SIPA1L1: variants seen among roughly 807,000 people sequenced by gnomAD.
SIPA1L1 encodes the protein signal-induced proliferation-associated 1-like protein 1.
SIPA1L1 carries 26 observed loss-of-function variants against 162.7 expected under a neutral mutation model. The observed-to-expected ratio is 0.16, with a 90% CI of 0.12 to 0.22. The LOEUF (loss-of-function observed/expected upper bound fraction) is 0.22, where lower values mean the gene tolerates loss of function less well. Ranked by LOEUF, SIPA1L1 falls within the 10% of genes least tolerant of loss-of-function variation. The pLI, the probability that SIPA1L1 is intolerant of heterozygous loss-of-function variation, is 1.00. For synonymous variants in SIPA1L1, 829 were observed against 837.4 expected, an observed-to-expected ratio of 0.99 and a Z score of 0.17; for missense variants, 1,874 against 2,241.0, an observed-to-expected ratio of 0.84 and a Z score of 3.31.
Position 71,589,309 on chromosome 14 carries a change from A to G in SIPA1L1, c.1437A>G (p.Arg479=), listed in dbSNP as rs2034966939. 1.2e-6 allele frequency: 2 copies of G among 1,613,894 alleles called. No homozygotes were observed. The highest frequency in any genetic ancestry group is 2.2e-5 in the East Asian group (1 of 44,872). The change falls in exon 5 of 24, where the codon AGA becomes AGG. Residue 479 remains arginine, a synonymous_variant. Coordinates refer to ENST00000381232, the MANE Select transcript of SIPA1L1 (RefSeq NM_001386936.1). ...NLVLHLDRVK[R]YIVEHVDLGA... is the part of the protein sequence containing the mutation. ...TGTTGCACCTAGATAGAGTGAAAAG[A>G]TACATCGTGGAACACGTAGATCTGG...
At chr14:71,593,869 T>TA (rs1234778221) in intron 5 of SIPA1L1, among the ~76,000 whole-genome samples, 1 of 152,176 alleles carries the variant, frequency 6.6e-6, no homozygotes, top group Non-Finnish European at 1.5e-5. Context: ...AAAGTCAAGT[T>TA]ACTGAAGATG....
At chr14:71,649,210 T>C (rs944315183) in intron 7 of SIPA1L1, among the ~76,000 whole-genome samples, 116 of 150,082 alleles carry the variant, frequency 7.7e-4, no homozygotes, top group African/African-American at 2.7e-3. Flanking sequence ...TTTTTTTTTT[T>C]GAGACAGAGT....
At chr14:71,632,906 T>C (rs2040726460) in intron 7 of SIPA1L1, among the ~76,000 whole-genome samples, 1 of 152,100 alleles carries the variant, frequency 6.6e-6, no homozygotes. Context: ...TTAAATAAGA[T>C]CCAGAGTCTC....
At chr14:71,558,419 A>C (rs2056521060) in intron 4 of SIPA1L1, among the ~76,000 whole-genome samples, 1 of 152,196 alleles carries the variant, frequency 6.6e-6, no homozygotes, top group African/African-American at 2.4e-5. Flanking sequence ...TTTAGGAGAC[A>C]GTAGGAAACT....
At chr14:71,723,960 C>G (rs1474463445) in intron 18 of SIPA1L1, 74 bp downstream of exon 18, 2 of 1,573,888 alleles carry the variant, frequency 1.3e-6, no homozygotes, top group East Asian at 2.3e-5. Context: ...TTGGCGTGAT[C>G]TCTTACAACA....
At chr14:71,738,190 A>ACCCC in intron 22 of SIPA1L1, 51 bp from the exon 23 acceptor site, 2 of 940,042 alleles carry the variant, frequency 2.1e-6, no homozygotes, top group Non-Finnish European at 1.6e-6. Flanking sequence ...AAAAAAACAA[A>ACCCC]CCCAGCCATG....
intron 10 of SIPA1L1, among the ~76,000 whole-genome samples, chr14:71,669,989 T>C (rs576609438): frequency 6.6e-6 from 1 of 152,340 alleles, no homozygotes; most frequent in Non-Finnish European, 1.5e-5. Flanking sequence ...TCAATTTTAT[T>C]TGAAAGATGC....
chr14:71,455,069 G>C (rs983841754), intron 2 of SIPA1L1, among the ~76,000 whole-genome samples: 2 of 152,182 alleles, frequency 1.3e-5, no homozygotes, highest in African/African-American at 4.8e-5. Flanking sequence ...GTGAAGATTT[G>C]AATGAGATAG....
At chr14:71,509,752 A>AAAAAAAGAAAG (rs1015918821) in intron 2 of SIPA1L1, among the ~76,000 whole-genome samples, 2 of 151,972 alleles carry the variant, frequency 1.3e-5, no homozygotes, top group African/African-American at 2.4e-5. Flanking sequence ...CTCAAAAAAA[A>AAAAAAAGAAAG]AAAAAAGAAA....
chr14:71,512,373 G>A (rs2051231215), intron 2 of SIPA1L1, among the ~76,000 whole-genome samples: 1 of 151,978 alleles, frequency 6.6e-6, no homozygotes, highest in South Asian at 2.1e-4. Context: ...TCTTTCACGA[G>A]GTCAGGAGAT....
intron 2 of SIPA1L1, among the ~76,000 whole-genome samples, chr14:71,478,402 A>G (rs921634089): frequency 6.6e-6 from 1 of 152,036 alleles, no homozygotes; most frequent in Admixed American, 6.5e-5. Flanking sequence ...TCTTTTTTTT[A>G]AAGTACAGTG....
At chr14:71,565,816 A>G (rs1457491664) in intron 4 of SIPA1L1, among the ~76,000 whole-genome samples, 1 of 50,808 alleles carries the variant, frequency 2.0e-5, no homozygotes, top group Non-Finnish European at 3.2e-5. Context: ...CCTTTATAGA[A>G]AATATTTATA....
intron 2 of SIPA1L1, among the ~76,000 whole-genome samples, chr14:71,504,331 C>T (rs142478834): frequency 1.2e-4 from 18 of 152,074 alleles, no homozygotes; most frequent in Non-Finnish European, 1.5e-5. Context: ...ATAAACGTTA[C>T]TGAATCAGAA....
chr14:71,406,979 C>T (rs1413645402), intron 2 of SIPA1L1, among the ~76,000 whole-genome samples: 3 of 152,166 alleles, frequency 2.0e-5, no homozygotes, highest in Admixed American at 2.0e-4. Flanking sequence ...CGGTGGCTCA[C>T]ACCTGTAATC....
intron 4 of SIPA1L1, among the ~76,000 whole-genome samples, chr14:71,571,264 TAAG>T (rs201437490): frequency 0.016 from 2,462 of 151,966 alleles, 58 homozygotes; most frequent in African/African-American, 0.056. Context: ...GAGAAAAAAA[TAAG>T]AAAGTGTTCA....
At chr14:71,729,754 T>C (rs1176493395) in intron 19 of SIPA1L1, among the ~76,000 whole-genome samples, 2 of 152,200 alleles carry the variant, frequency 1.3e-5, no homozygotes, top group Non-Finnish European at 2.9e-5. Context: ...AAAACCCACA[T>C]TTGTCTGATC....
chr14:71,325,702 G>T (rs1013878683), intron 2 of SIPA1L1, among the ~76,000 whole-genome samples: 1 of 152,218 alleles, frequency 6.6e-6, no homozygotes, highest in Non-Finnish European at 1.5e-5. Flanking sequence ...GTAAGTAGTA[G>T]TGCATTGGTG....
At chr14:71,645,547 A>G (rs1457984943) in intron 7 of SIPA1L1, among the ~76,000 whole-genome samples, 1 of 152,248 alleles carries the variant, frequency 6.6e-6, no homozygotes, top group Non-Finnish European at 1.5e-5. Context: ...CACATGGAAT[A>G]TTAAAAAGCA....
Position 71,364,770 on chromosome 14 carries a change from G to C in SIPA1L1, c.-465+43589G>C, listed in dbSNP as rs2038126448. Among the ~76,000 whole-genome samples, 4 of 150,292 alleles carry C rather than the reference G, an allele frequency of 2.7e-5. No homozygotes were observed. The South Asian group carries it at 8.3e-4, about 31-fold the overall frequency. On this transcript the variant is annotated intron_variant, in intron 2 of 23. Transcript: ENST00000381232. ...TCAATTTTTTTTTTTTTTTGAGACA[G>C]AGTCTCACTGTGTAGCCAAGGCTGG...
Sources: gnomAD v4.1 joint callset for allele counts (sites outside exome capture counted in the v4.1 genomes callset) on GRCh38, gnomAD v4.1.1 for gene constraint, MANE v1.5 for transcripts, NCBI Gene and HGNC (gene_info 2026-07-23, HGNC 2026-07-21) for gene names.